The following NFASC variants were observed in gnomAD, a reference collection of about 807,000 sequenced individuals.
NFASC encodes neurofascin homolog.
Under a neutral mutation model 147.5 loss-of-function variants are expected in NFASC, and 43 were observed. The ratio of observed to expected loss-of-function variants is 0.29; its 90% confidence interval spans 0.23 to 0.38. NFASC has a LOEUF of 0.38. Ranked by LOEUF, NFASC falls within the 10% of genes least tolerant of loss-of-function variation. NFASC has a pLI of 1.00. For synonymous variants in NFASC, 622 were observed against 665.5 expected, an observed-to-expected ratio of 0.93 and a Z score of 1.01; for missense variants, 1,320 against 1,689.0, an observed-to-expected ratio of 0.78 and a Z score of 3.83.
chr1:204,959,991 G>T (rs1448369137), intron 8 of NFASC, among the ~76,000 whole-genome samples: 1 of 152,240 alleles, frequency 6.6e-6, no homozygotes, highest in African/African-American at 2.4e-5. Flanking sequence ...TCTCCCAGGG[G>T]CAGCTCTGGC....
At chr1:204,856,738 C>G (rs74670958) in intron 1 of NFASC, among the ~76,000 whole-genome samples, 1,870 of 152,274 alleles carry the variant, frequency 0.012, 31 homozygotes, top group African/African-American at 0.042. Flanking sequence ...TTTGCCTTTT[C>G]TGGATATTTC....
chr1:204,958,639 C>A (rs1254009956), intron 8 of NFASC, among the ~76,000 whole-genome samples: 1 of 152,340 alleles, frequency 6.6e-6, no homozygotes, highest in South Asian at 2.1e-4. Flanking sequence ...GGATTTGTAA[C>A]ACGCCTTCCA....
At chr1:204,832,687 C>T (rs778857643) in intron 1 of NFASC, among the ~76,000 whole-genome samples, 2 of 152,230 alleles carry the variant, frequency 1.3e-5, no homozygotes, top group Non-Finnish European at 2.9e-5. Context: ...GCCTTTGAAT[C>T]TGTCAGGAGC....
chr1:204,846,736 G>C (rs2102600895), intron 1 of NFASC, among the ~76,000 whole-genome samples: 1 of 152,302 alleles, frequency 6.6e-6, no homozygotes, highest in East Asian at 1.9e-4. Context: ...CACGGGACTT[G>C]GTGGCCAAGC....
chr1:204,859,974 C>T (rs1294934597), intron 1 of NFASC, among the ~76,000 whole-genome samples: 1 of 152,110 alleles, frequency 6.6e-6, no homozygotes, highest in Non-Finnish European at 1.5e-5. Flanking sequence ...CAGATATAGC[C>T]GTGGAGCATC....
intron 1 of NFASC, chr1:204,871,011 C>G (rs1030372300): frequency 4.7e-6 from 6 of 1,289,640 alleles, no homozygotes; most frequent in Non-Finnish European, 5.1e-6. Flanking sequence ...CCACCTGTCC[C>G]CATGGAGGGA....
At position 204,973,350 on chromosome 1, in the gene NFASC, G is replaced by T. The variant is rs774164970; in HGVS notation, c.1210G>T (p.Ala404Ser). ...IFRDTQISSR[A>S]VYQCNTSNEH... ...CCGGGACACCCAGATCAGCAGCAGG[G>T]CTGTGTACCAGTGCAACACCTCCAA... is the stretch of plus-strand genomic sequence containing the variant. The change falls in exon 12 of 30, where the codon GCT (alanine) becomes TCT (serine). Residue 404 changes from alanine to serine, a missense_variant. Coordinates refer to ENST00000339876, the MANE Select transcript of NFASC (RefSeq NM_001005388.3). The T allele has an allele frequency of 3.1e-6, 5 of 1,614,274 alleles. No individual in the cohort carries two copies. The highest frequency in any genetic ancestry group is 4.2e-6 in the Non-Finnish European group (5 of 1,180,048).
At chr1:204,853,899 GA>G (rs571327512) in intron 1 of NFASC, among the ~76,000 whole-genome samples, 83 of 152,322 alleles carry the variant, frequency 5.4e-4, no homozygotes, top group African/African-American at 1.9e-3. Context: ...ATAGGGGAGA[GA>G]GGGGGAGGAA....
chr1:204,863,994 A>G (rs895886754), intron 1 of NFASC, among the ~76,000 whole-genome samples: 1 of 152,092 alleles, frequency 6.6e-6, no homozygotes, highest in Non-Finnish European at 1.5e-5. Context: ...AAAAAGAAAG[A>G]AACTCTATAA....
chr1:204,994,848 G>A (rs574355121), intron 24 of NFASC, among the ~76,000 whole-genome samples: 7 of 152,208 alleles, frequency 4.6e-5, no homozygotes, highest in Non-Finnish European at 7.4e-5. Flanking sequence ...TATTGATAAG[G>A]AACTCCGGCA....
intron 2 of NFASC, among the ~76,000 whole-genome samples, chr1:204,937,785 T>C (rs2149692876): frequency 6.6e-6 from 1 of 152,334 alleles, no homozygotes; most frequent in East Asian, 1.9e-4. Context: ...GTTTTCTCCG[T>C]TGCACTTATT....
intron 2 of NFASC, among the ~76,000 whole-genome samples, chr1:204,939,004 G>A (rs1319289716): frequency 1.4e-5 from 2 of 144,280 alleles, no homozygotes; most frequent in African/African-American, 5.1e-5. Context: ...TCACCTTCAG[G>A]TAGTTCTATT....
Position 204,954,809 on chromosome 1 carries a change from CT to C in NFASC, c.413-17del, listed in dbSNP as rs766497305. ...CCAGCCATCACCCTCACTTTATCCT[CT>C]TTGTCCACTTCTCTCCAGAATCTCC... On this transcript the variant is annotated intron_variant, in intron 6 of 29. Coordinates refer to ENST00000339876, the MANE Select transcript of NFASC (RefSeq NM_001005388.3). The surrounding 1 kb of genome is among the most constrained non-coding windows in gnomAD (Gnocchi z 5.7). 44 of 1,613,928 alleles carry C rather than the reference CT, an allele frequency of 2.7e-5. No individual in the cohort carries two copies. The South Asian group carries it at 4.5e-4, about 17-fold the overall frequency.
At chr1:204,934,154 A>AT (rs397982713) in intron 2 of NFASC, among the ~76,000 whole-genome samples, 1 of 151,160 alleles carries the variant, frequency 6.6e-6, no homozygotes, top group Admixed American at 6.6e-5. Context: ...AAAAAAAAAA[A>AT]CAGATGAGAG....
intron 23 of NFASC, 35 bp from the exon 24 acceptor site, chr1:204,991,257 C>G (rs749844082): frequency 1.9e-6 from 3 of 1,610,786 alleles, no homozygotes; most frequent in Admixed American, 3.4e-5. Flanking sequence ...TCCTTTCTCC[C>G]TCTGTCTGGC....
intron 1 of NFASC, among the ~76,000 whole-genome samples, chr1:204,834,791 G>A (rs556993049): frequency 9.2e-5 from 14 of 152,222 alleles, no homozygotes; most frequent in African/African-American, 3.4e-4. Flanking sequence ...AGGATTTCCC[G>A]GTCAGTCCTA....
chr1:204,832,405 G>A (rs982076148), intron 1 of NFASC, among the ~76,000 whole-genome samples: 3 of 152,096 alleles, frequency 2.0e-5, no homozygotes, highest in Non-Finnish European at 2.9e-5. Flanking sequence ...AATATTGTGA[G>A]GACTGCAAGG....
intron 2 of NFASC, among the ~76,000 whole-genome samples, chr1:204,930,582 G>A (rs1331871953): frequency 6.6e-6 from 1 of 152,156 alleles, no homozygotes; most frequent in African/African-American, 2.4e-5. Context: ...GTCTGATGCA[G>A]GAGATGGATT....
chr1:204,857,101 C>T (rs1237481964), intron 1 of NFASC, among the ~76,000 whole-genome samples: 1 of 152,218 alleles, frequency 6.6e-6, no homozygotes, highest in Non-Finnish European at 1.5e-5. Flanking sequence ...GGAGGAAATG[C>T]TAAGCTGTTT....
Sources: gnomAD v4.1 joint callset for allele counts (sites outside exome capture counted in the v4.1 genomes callset) on GRCh38, gnomAD v4.1.1 for gene constraint, Gnocchi (gnomAD v3.1) non-coding constraint, MANE v1.5 for transcripts, NCBI Gene and HGNC (gene_info 2026-07-23, HGNC 2026-07-21) for gene names.